TCF4: variants seen among roughly 807,000 people sequenced by gnomAD.
The protein encoded by TCF4 is transcription factor 4, also known as SL3-3 enhancer factor 2.
TCF4 carries 3 observed loss-of-function variants against 82.1 expected under a neutral mutation model. The ratio of observed to expected loss-of-function variants is 0.04; its 90% CI spans 0.02 to 0.09. The LOEUF is 0.09. TCF4 is among the 10% of genes least tolerant of loss of function. The pLI is 1.00. For synonymous variants in TCF4, 276 were observed against 309.6 expected, an observed-to-expected ratio of 0.89 and a Z score of 1.14; for missense variants, 518 against 852.7, an observed-to-expected ratio of 0.61 and a Z score of 4.89.
chr18:55,381,562 C>T (rs2091901453), intron 6 of TCF4, among the ~76,000 whole-genome samples: 1 of 152,226 alleles, frequency 6.6e-6, no homozygotes, highest in African/African-American at 2.4e-5. Context: ...ACAAGTTGGG[C>T]TTCTGTGCCT....
chr18:55,272,236 A>G (rs768598617), intron 10 of TCF4, among the ~76,000 whole-genome samples: 3 of 152,160 alleles, frequency 2.0e-5, no homozygotes, highest in Non-Finnish European at 4.4e-5. Context: ...GACTCATAGA[A>G]AATTAGTTGT....
intron 5 of TCF4, among the ~76,000 whole-genome samples, chr18:55,420,042 C>A (rs995217716): frequency 1.3e-5 from 2 of 152,208 alleles, no homozygotes; most frequent in Non-Finnish European, 2.9e-5. Flanking sequence ...TTCAATAACT[C>A]CAGTAAATGT....
intron 6 of TCF4, among the ~76,000 whole-genome samples, chr18:55,384,525 G>C (rs969916543): frequency 6.6e-6 from 1 of 152,150 alleles, no homozygotes; most frequent in Non-Finnish European, 1.5e-5. Flanking sequence ...CATAGGGAAA[G>C]AAATCCCTGC....
At chr18:55,481,606 A>G (rs2096433888) in intron 3 of TCF4, among the ~76,000 whole-genome samples, 1 of 152,222 alleles carries the variant, frequency 6.6e-6, no homozygotes, top group South Asian at 2.1e-4. Context: ...TGAAGACAGA[A>G]AGCTGTACTT....
At chr18:55,319,947 C>G (rs2075076800) in intron 8 of TCF4, among the ~76,000 whole-genome samples, 1 of 151,974 alleles carries the variant, frequency 6.6e-6, no homozygotes, top group African/African-American at 2.4e-5. Context: ...AGATAAAAAC[C>G]ATGGAAACTT....
chr18:55,468,299 T>C (rs1420269139), intron 3 of TCF4, among the ~76,000 whole-genome samples: 1 of 152,154 alleles, frequency 6.6e-6, no homozygotes, highest in African/African-American at 2.4e-5. Flanking sequence ...GGGTCAAAAC[T>C]TTAGAAGCTA....
intron 15 of TCF4, among the ~76,000 whole-genome samples, chr18:55,236,512 G>A (rs1271857738): frequency 6.7e-6 from 1 of 150,216 alleles, no homozygotes; most frequent in Admixed American, 6.6e-5. Context: ...CCTTTCCTCT[G>A]TGACTGAAGT....
chr18:55,606,154 G>C (rs1190856105), intron 2 of TCF4, among the ~76,000 whole-genome samples: 1 of 152,150 alleles, frequency 6.6e-6, no homozygotes, highest in Non-Finnish European at 1.5e-5. Context: ...TTCAATAACG[G>C]TAACTACCCT....
chr18:55,589,790 G>C, upstream of TCF4: 2 of 1,010,328 alleles, frequency 2.0e-6, no homozygotes, highest in Non-Finnish European at 2.4e-6. Context: ...TTCACATCCG[G>C]GAACTGCGGG....
chr18:55,587,932 A>C (rs1229415736), intron 1 of TCF4, 106 bp downstream of exon 1: 3 of 788,462 alleles, frequency 3.8e-6, no homozygotes, highest in Non-Finnish European at 4.6e-6. Flanking sequence ...GGGCGCCGGG[A>C]GCCCGCGGCG....
intron 8 of TCF4, among the ~76,000 whole-genome samples, chr18:55,298,376 T>C (rs1038614765): frequency 4.6e-5 from 7 of 152,234 alleles, no homozygotes; most frequent in African/African-American, 1.7e-4. Context: ...CAAAACAGTC[T>C]TCTCAAATCA....
chr18:55,263,924 C>T (rs1258563721), intron 11 of TCF4, among the ~76,000 whole-genome samples: 7 of 152,036 alleles, frequency 4.6e-5, no homozygotes, highest in African/African-American at 1.7e-4. Context: ...TGCTTCACTA[C>T]AGATAATATC....
At chr18:55,389,951 G>A (rs2092933848) in intron 6 of TCF4, among the ~76,000 whole-genome samples, 1 of 152,054 alleles carries the variant, frequency 6.6e-6, no homozygotes. Flanking sequence ...CTCAGATGGT[G>A]GCTGGGAGTC....
chr18:55,529,132 C>T (rs1378235107), intron 3 of TCF4, among the ~76,000 whole-genome samples: 1 of 152,170 alleles, frequency 6.6e-6, no homozygotes, highest in Non-Finnish European at 1.5e-5. Flanking sequence ...GAGCCAAGAT[C>T]GTGCCATTGC....
intron 5 of TCF4, among the ~76,000 whole-genome samples, chr18:55,432,180 G>A (rs537059157): frequency 3.3e-5 from 5 of 152,262 alleles, no homozygotes; most frequent in African/African-American, 1.2e-4. Flanking sequence ...GCACACGCCT[G>A]TAGTCCCAGC....
intron 6 of TCF4, chr18:55,401,166 A>G (rs909015185): frequency 1.6e-6 from 2 of 1,276,090 alleles, no homozygotes; most frequent in African/African-American, 1.5e-5. Flanking sequence ...AAGACACACT[A>G]TGGTCTGTTC....
At chr18:55,302,918 CA>C (rs1322045949) in intron 8 of TCF4, among the ~76,000 whole-genome samples, 3 of 152,092 alleles carry the variant, frequency 2.0e-5, no homozygotes, top group Non-Finnish European at 4.4e-5. Context: ...ATTTATTTCT[CA>C]AAATATCTGA....
chr18:55,360,908 G>T (rs2084979425), intron 6 of TCF4, among the ~76,000 whole-genome samples: 1 of 151,724 alleles, frequency 6.6e-6, no homozygotes, highest in South Asian at 2.1e-4. Flanking sequence ...TGTATTTTTA[G>T]TTGAGATAGG....
chr18:55,298,521 A>C (rs1223608484), intron 8 of TCF4, among the ~76,000 whole-genome samples: 1 of 152,158 alleles, frequency 6.6e-6, no homozygotes, highest in African/African-American at 2.4e-5. Context: ...TTAGAAAAAA[A>C]CCCCAGCAAA....
Sources: allele counts gnomAD v4.1 joint callset (sites outside exome capture counted in the v4.1 genomes callset), GRCh38; gene constraint gnomAD v4.1.1; transcripts MANE v1.5; gene names NCBI Gene and HGNC (gene_info 2026-07-23, HGNC 2026-07-21).